Variants in PMS2 observed in about 807,000 individuals in gnomAD.
The protein encoded by PMS2 is PMS1 homolog 2, mismatch repair system component.
Under a neutral mutation model 90.0 loss-of-function variants are expected in PMS2, and 69 were observed. That is an observed-to-expected ratio of 0.77 (90% confidence interval 0.63 to 0.94). The LOEUF is 0.94. Among genes scored for constraint, PMS2 ranks in the 40% least tolerant of loss-of-function variants. The pLI, the probability that PMS2 is intolerant of heterozygous loss-of-function variation, is 0.00. For missense variants in PMS2, 966 were observed against 1,040.2 expected (o/e 0.93, Z 0.98); for synonymous variants, 332 against 375.1 (o/e 0.89, Z 1.33).
At chr7:5,993,281 G>C (rs1409154712) in intron 8 of PMS2, among the ~76,000 whole-genome samples, 1 of 140,202 alleles carries the variant, frequency 7.1e-6, no homozygotes, top group Admixed American at 7.9e-5. Flanking sequence ...TGAGGCAGGA[G>C]AATTGCTTGA....
At chr7:6,007,106 A>C (rs1341258648) in intron 1 of PMS2, among the ~76,000 whole-genome samples, 1 of 147,994 alleles carries the variant, frequency 6.8e-6, no homozygotes, top group Non-Finnish European at 1.5e-5. Context: ...TATTATTATT[A>C]TTATTATTGT....
Position 5,977,909 on chromosome 7 carries a change from G to A in PMS2, c.2276-152C>T. 3.2e-6 allele frequency: 4 copies of A among 1,251,602 alleles called. No homozygotes were observed. The South Asian group carries it at 5.0e-5, about 16-fold the overall frequency. The allele number at this position is 1,251,602 out of a possible 1,614,324, so 77.5% of individuals were successfully genotyped here. On this transcript the variant is annotated intron_variant, in intron 13 of 14. Transcript: ENST00000265849. ...CTGAGGCCAGCGGATCATGAGGTCA[G>A]GAGATACAGACCATCCTGGCTAACA...
intron 6 of PMS2, among the ~76,000 whole-genome samples, chr7:5,998,040 T>G (rs1315384356): frequency 6.6e-6 from 1 of 151,750 alleles, no homozygotes; most frequent in Non-Finnish European, 1.5e-5. Flanking sequence ...TGAAACACAT[T>G]CAGCTCTCAA....
chr7:5,981,289 C>A (rs1181239360), intron 12 of PMS2, among the ~76,000 whole-genome samples: 1 of 148,958 alleles, frequency 6.7e-6, no homozygotes, highest in Non-Finnish European at 1.5e-5. Flanking sequence ...CTCTGTCACC[C>A]AGGCTGGAGA....
chr7:5,987,046 G>T lies in PMS2; in HGVS notation c.1719C>A (p.Thr573=), dbSNP rs2128724704. 1 of 1,614,170 alleles carries T rather than the reference G, an allele frequency of 6.2e-7. No homozygotes were observed. Among genetic ancestry groups the T allele is most frequent in the Non-Finnish European group, 8.5e-7 (1 of 1,180,044 alleles). Residue 573 remains threonine, a synonymous_variant, in exon 11 of 15, where the codon ACC becomes ACA. Coordinates refer to ENST00000265849, the MANE Select transcript of PMS2 (RefSeq NM_000535.7). The part of the protein sequence containing the change: ...RVLPQPTNLA[T]PNTKRFKKEE... ...CTTTTTTAAAACGCTTTGTGTTTGG[G>T]GTTGCGAGATTAGTTGGCTGAGGCA...
In PMS2 at chr7:5,995,541, G is replaced by A. The variant is rs1402108044; in HGVS notation, c.896C>T (p.Pro299Leu). 2 of 1,610,686 alleles carry A rather than the reference G, an allele frequency of 1.2e-6. No homozygotes were observed. The highest frequency in any genetic ancestry group is 2.2e-5 in the East Asian group (1 of 44,876). ...FFFINRRPCD[P>L]AKVCRLVNEV... ...CAAAAAAATTTTAAATACCTTTGCT[G>A]GGTCACAAGGCCGCCGGTTGATAAA... The change falls in exon 8 of 15, where the codon CCA (proline) becomes CTA (leucine). Residue 299 changes from proline to leucine, a missense_variant. By Grantham distance (98) the Pro-to-Leu change is moderately conservative. This residue lies in a region of PMS2 where 871 missense variants were observed against 802.4 expected (regional missense o/e 1.09). Transcript: ENST00000265849.
At chr7:5,994,401 A>G (rs1373394595) in intron 8 of PMS2, among the ~76,000 whole-genome samples, 4 of 151,774 alleles carry the variant, frequency 2.6e-5, no homozygotes, top group African/African-American at 7.3e-5. Context: ...CCAAAAAACA[A>G]CAACAAAAAA....
intron 1 of PMS2, among the ~76,000 whole-genome samples, chr7:6,006,535 C>A (rs1202766578): frequency 6.6e-6 from 1 of 152,098 alleles, no homozygotes; most frequent in Non-Finnish European, 1.5e-5. Context: ...CACCTGTAAT[C>A]CTAGCTACTC....
intron 5 of PMS2, among the ~76,000 whole-genome samples, chr7:6,001,341 A>T (rs1233564448): frequency 2.6e-5 from 4 of 151,684 alleles, no homozygotes; most frequent in African/African-American, 9.7e-5. Flanking sequence ...GGGTTCTAAT[A>T]GCTCATTTCT....
intron 7 of PMS2, among the ~76,000 whole-genome samples, chr7:5,996,612 T>TATATAC (rs1357046135): frequency 3.1e-5 from 4 of 129,586 alleles, no homozygotes; most frequent in South Asian, 4.9e-4. Flanking sequence ...TATATATATA[T>TATATAC]ACACACAGAT....
At chr7:5,999,755 C>T (rs1316489839) in intron 5 of PMS2, among the ~76,000 whole-genome samples, 2 of 151,884 alleles carry the variant, frequency 1.3e-5, no homozygotes, top group South Asian at 4.2e-4. Flanking sequence ...ATGATTGCAC[C>T]ACTGCACTCC....
chr7:5,995,887 G>C (rs960272048), intron 7 of PMS2, among the ~76,000 whole-genome samples: 30 of 152,148 alleles, frequency 2.0e-4, no homozygotes, highest in African/African-American at 7.2e-4. Flanking sequence ...CAAAACTGAT[G>C]TGTTGCAGCT....
At chr7:6,004,437 C>T (rs973204221) in intron 2 of PMS2, 8 of 198,070 alleles carry the variant, frequency 4.0e-5, no homozygotes, top group African/African-American at 9.6e-5. Flanking sequence ...GAACGGGGAC[C>T]GGGTGCAGTG....
intron 10 of PMS2, 75 bp from the exon 11 acceptor site, chr7:5,987,695 T>C (rs531732779): frequency 5.7e-5 from 54 of 946,622 alleles, no homozygotes; most frequent in Non-Finnish European, 9.1e-5. Flanking sequence ...TGTGAACAGA[T>C]ACTTCACAAA....
chr7:5,978,272 AT>A (rs1252477687), intron 13 of PMS2, among the ~76,000 whole-genome samples: 29 of 141,980 alleles, frequency 2.0e-4, no homozygotes, highest in Non-Finnish European at 1.7e-4. Context: ...TATAGTTCTG[AT>A]TTTTTTTTTT....
intron 10 of PMS2, 25 bp downstream of exon 10, chr7:5,989,775 T>C: frequency 6.3e-7 from 1 of 1,590,306 alleles, no homozygotes; most frequent in South Asian, 1.1e-5. Context: ...CTTTAGAAGC[T>C]GTTTGTACAC....
At chr7:5,995,827 T>C (rs551554166) in intron 7 of PMS2, among the ~76,000 whole-genome samples, 194 bp from the exon 8 acceptor site, 74 of 152,270 alleles carry the variant, frequency 4.9e-4, no homozygotes, top group Non-Finnish European at 7.5e-4. Context: ...TTCTGGAATA[T>C]TCTAAAGCTC....
chr7:5,988,126 T>TAA (rs1348344707), intron 10 of PMS2, among the ~76,000 whole-genome samples: 1 of 144,520 alleles, frequency 6.9e-6, no homozygotes, highest in East Asian at 2.1e-4. Flanking sequence ...ATGGTAAAAT[T>TAA]AAAAAAACAA....
chr7:5,998,070 G>A (rs1408629794), intron 6 of PMS2, among the ~76,000 whole-genome samples: 1 of 149,802 alleles, frequency 6.7e-6, no homozygotes, highest in Non-Finnish European at 1.5e-5. Context: ...TTTGTGATAG[G>A]TACTTTGTTT....
Sources: gnomAD v4.1 joint callset for allele counts (sites outside exome capture counted in the v4.1 genomes callset) on GRCh38, gnomAD v4.1.1 for gene constraint, gnomAD v4.1.1 regional missense constraint, MANE v1.5 for transcripts, NCBI Gene and HGNC (gene_info 2026-07-23, HGNC 2026-07-21) for gene names.